Variants in DPH5 observed in about 807,000 individuals in gnomAD.
The protein encoded by DPH5 is diphthine methyl ester synthase.
DPH5 carries 31 observed loss-of-function variants against 31.6 expected under a neutral mutation model. The observed-to-expected ratio is 0.98, with a 90% CI of 0.74 to 1.32. The LOEUF (loss-of-function observed/expected upper bound fraction) is 1.32, where lower values mean the gene tolerates loss of function less well. Ranked by LOEUF, DPH5 falls within the 40% of genes most tolerant of loss-of-function variation. The pLI, the probability that DPH5 is intolerant of heterozygous loss-of-function variation, is 0.00. For synonymous variants in DPH5, 120 were observed against 115.0 expected (o/e 1.04, Z -0.28); for missense variants, 309 against 335.7 (o/e 0.92, Z 0.62).
chr1:101,003,732 G>A (rs1659033007), intron 4 of DPH5, among the ~76,000 whole-genome samples: 1 of 152,128 alleles, frequency 6.6e-6, no homozygotes, highest in Admixed American at 6.5e-5. Flanking sequence ...GCTGTGTCCT[G>A]CTTTAATCCA....
intron 3 of DPH5, among the ~76,000 whole-genome samples, chr1:101,017,672 T>C (rs974019791): frequency 6.6e-6 from 1 of 152,102 alleles, no homozygotes. Flanking sequence ...GCATACCAAG[T>C]AGGAAGATAA....
chr1:100,999,004 A>G (rs1658623972), intron 5 of DPH5, among the ~76,000 whole-genome samples: 2 of 152,220 alleles, frequency 1.3e-5, no homozygotes, highest in South Asian at 4.1e-4. Flanking sequence ...TATATAAATG[A>G]AGGTGCACGG....
chr1:101,010,576 G>C (rs1659551730), intron 4 of DPH5, among the ~76,000 whole-genome samples: 1 of 152,086 alleles, frequency 6.6e-6, no homozygotes. Flanking sequence ...TAGCTGAAAA[G>C]TCTGTCTATT....
chr1:101,008,493 G>A (rs1338163930), intron 4 of DPH5, among the ~76,000 whole-genome samples: 1 of 152,212 alleles, frequency 6.6e-6, no homozygotes, highest in Non-Finnish European at 1.5e-5. Context: ...GGGCTTTTAA[G>A]TTGAAGTTCA....
chr1:101,001,592 A>G lies in DPH5; in HGVS notation c.370-5T>C, dbSNP rs760075542. Reference sequence around the variant, plus strand: ...TGTCTCTCCAAACTTATATAACTAGAAAAAAAAACATTAATTAATGATGGA... The same window carrying G: ...TGTCTCTCCAAACTTATATAACTAGGAAAAAAAACATTAATTAATGATGGA... On this transcript the variant is annotated splice_region_variant and splice_polypyrimidine_tract_variant and intron_variant, in intron 4 of 7. Transcript: ENST00000370109. 2 of 1,532,924 alleles carry G rather than the reference A, an allele frequency of 1.3e-6. No homozygotes were observed. The highest frequency in any genetic ancestry group is 1.2e-5 in the South Asian group (1 of 84,508). The allele number at this position is 1,532,924 out of a possible 1,614,324, so 95.0% of individuals were successfully genotyped here.
chr1:101,020,690 A>G (rs892848966), intron 3 of DPH5, among the ~76,000 whole-genome samples: 6 of 152,056 alleles, frequency 3.9e-5, no homozygotes, highest in Admixed American at 2.0e-4. Context: ...CCTGTTCTCT[A>G]CCAGTTTTCA....
At chr1:101,004,529 A>C (rs141144093) in intron 4 of DPH5, among the ~76,000 whole-genome samples, 3 of 152,332 alleles carry the variant, frequency 2.0e-5, no homozygotes, top group African/African-American at 7.2e-5. Flanking sequence ...GGAGTAACCT[A>C]TAGAGAAAGC....
intron 5 of DPH5, among the ~76,000 whole-genome samples, chr1:100,997,819 AG>A (rs1658502244): frequency 6.6e-6 from 1 of 152,172 alleles, no homozygotes; most frequent in Non-Finnish European, 1.5e-5. Context: ...TTCATCCCTC[AG>A]ATACATCTAC....
intron 3 of DPH5, among the ~76,000 whole-genome samples, chr1:101,016,810 CT>C (rs1056411093): frequency 2.0e-5 from 3 of 152,226 alleles, no homozygotes; most frequent in African/African-American, 7.2e-5. Flanking sequence ...ACATGTGACT[CT>C]TTCACTTAAA....
At chr1:101,008,005 T>C (rs1659361563) in intron 4 of DPH5, among the ~76,000 whole-genome samples, 1 of 152,200 alleles carries the variant, frequency 6.6e-6, no homozygotes, top group Non-Finnish European at 1.5e-5. Flanking sequence ...TTAAAGTATA[T>C]GTGTTTATAA....
At chr1:101,010,855 C>G (rs1437279092) in intron 4 of DPH5, among the ~76,000 whole-genome samples, 1 of 152,180 alleles carries the variant, frequency 6.6e-6, no homozygotes, top group African/African-American at 2.4e-5. Flanking sequence ...CTTTCACTTT[C>G]TAAGTTTTTA....
intron 3 of DPH5, among the ~76,000 whole-genome samples, chr1:101,020,586 A>C (rs1452726901): frequency 6.6e-6 from 1 of 151,552 alleles, no homozygotes; most frequent in African/African-American, 2.4e-5. Flanking sequence ...TTTATCTAGG[A>C]TGACCTCCCA....
At chr1:100,994,308 A>AT (rs888334286) in intron 6 of DPH5, among the ~76,000 whole-genome samples, 2 of 152,184 alleles carry the variant, frequency 1.3e-5, no homozygotes, top group African/African-American at 4.8e-5. Context: ...ACAGAGTATC[A>AT]TTTTTTAATT....
chr1:100,999,795 C>T (rs1250689202), intron 5 of DPH5, among the ~76,000 whole-genome samples: 1 of 151,170 alleles, frequency 6.6e-6, no homozygotes, highest in South Asian at 2.1e-4. Flanking sequence ...GCCAAGATCA[C>T]GCCACTGCAA....
intron 3 of DPH5, among the ~76,000 whole-genome samples, chr1:101,015,825 T>G (rs935479794): frequency 1.3e-5 from 2 of 152,186 alleles, no homozygotes. Context: ...TTAAACCTCA[T>G]GAACCAACCT....
intron 5 of DPH5, chr1:100,996,146 C>T (rs1658326992): frequency 6.6e-6 from 1 of 152,128 alleles, no homozygotes; most frequent in South Asian, 2.1e-4. Flanking sequence ...TTGTCTGTCA[C>T]ATTATGGAGA....
At chr1:100,993,898 G>A (rs1257152162) in intron 6 of DPH5, among the ~76,000 whole-genome samples, 2 of 151,602 alleles carry the variant, frequency 1.3e-5, no homozygotes, top group Non-Finnish European at 2.9e-5. Context: ...CTGCCACCAT[G>A]CCTGGCTAAT....
At chr1:101,020,100 T>A (rs139744178) in intron 3 of DPH5, among the ~76,000 whole-genome samples, 4 of 152,342 alleles carry the variant, frequency 2.6e-5, no homozygotes, top group Non-Finnish European at 2.9e-5. Context: ...CTGAAGGTTT[T>A]TGAGCATGGG....
chr1:101,010,843 T>C (rs112045623), intron 4 of DPH5, among the ~76,000 whole-genome samples: 6 of 152,298 alleles, frequency 3.9e-5, no homozygotes, highest in African/African-American at 1.2e-4. Context: ...GACAACACAG[T>C]TCTTTCACTT....
Sources: allele counts gnomAD v4.1 joint callset (sites outside exome capture counted in the v4.1 genomes callset), GRCh38; gene constraint gnomAD v4.1.1; transcripts MANE v1.5; gene names NCBI Gene and HGNC (gene_info 2026-07-23, HGNC 2026-07-21).